Variants in GAD2 observed in about 807,000 individuals in gnomAD.
The protein encoded by GAD2 is glutamate decarboxylase 2.
In GAD2, 22 loss-of-function variants were observed where a neutral mutation model predicts 80.1. The ratio of observed to expected loss-of-function variants is 0.27; its 90% CI spans 0.20 to 0.39. GAD2 has a LOEUF of 0.39. Among genes scored for constraint, GAD2 ranks in the 10% least tolerant of loss-of-function variants. The pLI is 1.00. For synonymous variants in GAD2, 274 were observed against 256.9 expected (o/e 1.07, Z -0.64); for missense variants, 624 against 738.4 (o/e 0.85, Z 1.80).
intron 6 of GAD2, among the ~76,000 whole-genome samples, chr10:26,225,113 G>A (rs1445936376): frequency 6.6e-6 from 1 of 152,182 alleles, no homozygotes; most frequent in Non-Finnish European, 1.5e-5. Flanking sequence ...GAAATAACAA[G>A]CACCAAAGTG....
intron 10 of GAD2, 127 bp downstream of exon 10, chr10:26,270,883 C>T: frequency 1.4e-6 from 1 of 732,328 alleles, no homozygotes; most frequent in Non-Finnish European, 2.4e-6. Flanking sequence ...GATATTAAAG[C>T]TTTTAAAGCT....
intron 15 of GAD2, among the ~76,000 whole-genome samples, chr10:26,294,226 C>T (rs2132321568): frequency 6.6e-6 from 1 of 152,340 alleles, no homozygotes; most frequent in South Asian, 2.1e-4. Context: ...CAGGCTGTCC[C>T]CTCACTGCTC....
chr10:26,247,948 A>C (rs1844830430), intron 8 of GAD2, among the ~76,000 whole-genome samples: 1 of 151,970 alleles, frequency 6.6e-6, no homozygotes, highest in South Asian at 2.1e-4. Context: ...TCTAAAAATA[A>C]GCCATGTTTA....
chr10:26,236,147 CCT>C (rs1160593746), intron 7 of GAD2, among the ~76,000 whole-genome samples: 1 of 151,960 alleles, frequency 6.6e-6, no homozygotes, highest in East Asian at 1.9e-4. Flanking sequence ...AGGATTTCAC[CCT>C]GTTACCCAGG....
intron 13 of GAD2, among the ~76,000 whole-genome samples, chr10:26,289,896 G>A (rs540893362): frequency 6.7e-6 from 1 of 149,922 alleles, no homozygotes; most frequent in Admixed American, 6.7e-5. Flanking sequence ...AGGTTCAAGC[G>A]ATTCTCCTAC....
chr10:26,218,844 A>G (rs7089304), intron 3 of GAD2, among the ~76,000 whole-genome samples, 199 bp from the exon 4 acceptor site: 19,077 of 152,184 alleles, frequency 0.13, 3,986 homozygotes, highest in African/African-American at 0.43. Flanking sequence ...TGGGGAAGAG[A>G]AGAAATCATA....
chr10:26,294,150 G>A (rs1247229627), intron 15 of GAD2, among the ~76,000 whole-genome samples: 1 of 152,186 alleles, frequency 6.6e-6, no homozygotes, highest in Admixed American at 6.5e-5. Flanking sequence ...TGATTTGGTT[G>A]GTTTGGGGGT....
chr10:26,261,279 T>C (rs1055537858), intron 8 of GAD2, among the ~76,000 whole-genome samples: 13 of 152,230 alleles, frequency 8.5e-5, no homozygotes, highest in African/African-American at 2.7e-4. Context: ...TCATTTGTTT[T>C]CCCCTAGAAA....
rs753551108 is a variant in GAD2 at position 26,293,010 on chromosome 10, T to C, written c.1584+19T>C. 8.2e-6 allele frequency: 13 copies of C among 1,580,534 alleles called. No homozygotes were observed. The South Asian group carries it at 1.4e-4, about 17-fold the overall frequency. On this transcript the variant is annotated intron_variant, in intron 15 of 15. Coordinates refer to ENST00000376261, the MANE Select transcript of GAD2 (RefSeq NM_001134366.2). ...CTCGAAGGTCAGTGCTCCAAGCTCC[T>C]CTGATACATGTGTGTATTGAGCCTT... is the stretch of plus-strand genomic sequence containing the variant.
intron 8 of GAD2, among the ~76,000 whole-genome samples, chr10:26,252,184 T>G (rs1427389372): frequency 1.3e-5 from 2 of 152,160 alleles, no homozygotes; most frequent in Non-Finnish European, 2.9e-5. Context: ...TACCACACAT[T>G]AGTCTATCAG....
At chr10:26,268,197 G>A (rs912419121) in intron 8 of GAD2, among the ~76,000 whole-genome samples, 38 of 152,310 alleles carry the variant, frequency 2.5e-4, no homozygotes, top group Non-Finnish European at 4.0e-4. Context: ...GGCCGGGCAC[G>A]GTGGCTTACG....
At chr10:26,289,078 G>T (rs1834181609) in intron 13 of GAD2, among the ~76,000 whole-genome samples, 1 of 150,758 alleles carries the variant, frequency 6.6e-6, no homozygotes, top group African/African-American at 2.4e-5. Context: ...ACCTTTGTGA[G>T]TTTTTTTTTG....
chr10:26,263,923 A>G (rs755712311), intron 8 of GAD2, among the ~76,000 whole-genome samples: 2 of 152,206 alleles, frequency 1.3e-5, no homozygotes, highest in African/African-American at 2.4e-5. Context: ...AGTCAACCTG[A>G]AAAGTTTTTT....
Position 26,273,733 on chromosome 10 carries a change from G to A in GAD2, c.1157+33G>A, listed in dbSNP as rs1429118358. On this transcript the variant is annotated intron_variant, in intron 11 of 15. Transcript: ENST00000376261. ...GCATTTTTCTTATTAACAACATAAAGTGTTAAAAGCTAACTGTGAAACACA... is the reference window on the plus strand; with the variant it reads ...GCATTTTTCTTATTAACAACATAAAATGTTAAAAGCTAACTGTGAAACACA... 1.9e-6 allele frequency: 3 copies of A among 1,573,818 alleles called. No individual in the cohort carries two copies. In the Admixed American group the frequency reaches 5.1e-5, roughly 27 times the overall value.
intron 4 of GAD2, among the ~76,000 whole-genome samples, chr10:26,219,920 TAAAGAA>T (rs934097830): frequency 2.6e-5 from 4 of 151,652 alleles, no homozygotes; most frequent in African/African-American, 9.7e-5. Context: ...ATATGTGAGA[TAAAGAA>T]AAAGGGGGGG....
At chr10:26,252,663 T>G (rs1277517437) in intron 8 of GAD2, among the ~76,000 whole-genome samples, 1 of 142,872 alleles carries the variant, frequency 7.0e-6, no homozygotes, top group Non-Finnish European at 1.5e-5. Context: ...GTACCCCTTC[T>G]TTTTTTTTTG....
chr10:26,254,521 T>C (rs986245240), intron 8 of GAD2, among the ~76,000 whole-genome samples: 2 of 152,156 alleles, frequency 1.3e-5, no homozygotes, highest in African/African-American at 4.8e-5. Context: ...GGGACCCCTG[T>C]TGTAAACCAT....
chr10:26,216,715 C>A (rs1009587890), upstream of GAD2: 21 of 1,049,944 alleles, frequency 2.0e-5, no homozygotes, highest in Non-Finnish European at 2.9e-5. This position sits in a 1 kb window ranked among gnomAD's most constrained non-coding sequence, Gnocchi z 4.7. Flanking sequence ...GCCCTCCTCC[C>A]GCCACACGGG....
At chr10:26,240,287 G>A (rs577110853) in intron 7 of GAD2, among the ~76,000 whole-genome samples, 7 of 152,160 alleles carry the variant, frequency 4.6e-5, no homozygotes, top group Non-Finnish European at 8.8e-5. Flanking sequence ...TCTCCAGCCT[G>A]ATACGCTCCT....
Sources: allele counts gnomAD v4.1 joint callset (sites outside exome capture counted in the v4.1 genomes callset), GRCh38; gene constraint gnomAD v4.1.1; non-coding constraint Gnocchi (gnomAD v3.1); transcripts MANE v1.5; gene names NCBI Gene and HGNC (gene_info 2026-07-23, HGNC 2026-07-21).